PRICKLE1: variants seen among roughly 807,000 people sequenced by gnomAD.
The protein encoded by PRICKLE1 is prickle-like protein 1.
Under a neutral mutation model 70.2 loss-of-function variants are expected in PRICKLE1, and 14 were observed. The observed-to-expected ratio is 0.20, with a 90% confidence interval of 0.13 to 0.31. The LOEUF (loss-of-function observed/expected upper bound fraction) is 0.31. PRICKLE1 is among the 10% of genes least tolerant of loss of function. The probability of loss-of-function intolerance (pLI) is 1.00; values close to 1 mark genes in which losing one functional copy is unlikely to be tolerated. For synonymous variants in PRICKLE1, 357 were observed against 379.9 expected (o/e 0.94, Z 0.70); for missense variants, 821 against 1,026.2 (o/e 0.80, Z 2.73).
intron 1 of PRICKLE1, among the ~76,000 whole-genome samples, chr12:42,539,201 C>T (rs972587254): frequency 3.3e-5 from 5 of 152,114 alleles, no homozygotes; most frequent in African/African-American, 1.2e-4. Flanking sequence ...GGCACGGTGG[C>T]TCACGCCTGT....
At chr12:42,552,042 C>T (rs1231732504) in intron 1 of PRICKLE1, among the ~76,000 whole-genome samples, 2 of 150,528 alleles carry the variant, frequency 1.3e-5, no homozygotes, top group Admixed American at 1.3e-4. Context: ...ACAACCTGTA[C>T]ACATTCAAGA....
chr12:42,488,529 T>C (rs1338662754), intron 1 of PRICKLE1, among the ~76,000 whole-genome samples: 1 of 152,324 alleles, frequency 6.6e-6, no homozygotes. Context: ...TAAAAAACTT[T>C]AGGTTCTGAC....
intron 1 of PRICKLE1, among the ~76,000 whole-genome samples, chr12:42,502,288 T>C (rs1474798266): frequency 1.4e-5 from 2 of 144,946 alleles, no homozygotes; most frequent in Non-Finnish European, 3.0e-5. Context: ...TATATAGATA[T>C]ATATTTGTTT....
rs1938037090 is a variant in PRICKLE1 at position 42,465,037 on chromosome 12, T to C, written c.997A>G (p.Ser333Gly). ...QSARSRDSRR[S>G]VRMGKSSRSA... is the part of the protein sequence containing the mutation. ...CGGCTGCTCTTGCCCATTCGGACAC[T>C]TCTTCGGGAGTCTCTTGATCGAGCT... Residue 333 changes from serine (S) to glycine (G), a missense_variant, in exon 7 of 8, where the codon AGT becomes GGT. Transcript: ENST00000345127. 3 of 1,590,974 alleles carry C rather than the reference T, an allele frequency of 1.9e-6. No individual in the cohort carries two copies. In the African/African-American group the frequency reaches 4.0e-5, roughly 21 times the overall value.
chr12:42,568,425 T>G (rs1940656878), intron 1 of PRICKLE1, among the ~76,000 whole-genome samples: 1 of 152,200 alleles, frequency 6.6e-6, no homozygotes, highest in Non-Finnish European at 1.5e-5. Flanking sequence ...ACCCTCCCAC[T>G]TGGCTTCCCA....
chr12:42,515,563 C>T (rs143169340), intron 1 of PRICKLE1, among the ~76,000 whole-genome samples: 42 of 152,282 alleles, frequency 2.8e-4, no homozygotes, highest in Admixed American at 1.8e-3. Context: ...CTTCTACCCA[C>T]ACTCTATCCC....
chr12:42,585,869 G>A (rs1940978886), intron 1 of PRICKLE1, among the ~76,000 whole-genome samples: 1 of 152,162 alleles, frequency 6.6e-6, no homozygotes, highest in Non-Finnish European at 1.5e-5. Flanking sequence ...TGTGTCCAGA[G>A]ATGGGGAAGT....
In PRICKLE1 at chr12:42,464,425, T is replaced by C. The variant is rs1437950772; in HGVS notation, c.1609A>G (p.Met537Val). The C allele has an allele frequency of 1.9e-5, 30 of 1,613,990 alleles. No homozygotes were observed. The highest frequency in any genetic ancestry group is 2.5e-5 in the Non-Finnish European group (30 of 1,180,034). ...ATATTGGACAATGCCAAAGAATCCA[T>C]CGAATCCCGAACACTTTGCTCTGGT... The part of the protein sequence containing the change: ...LKPEQSVRDS[M>V]DSLALSNITG... The change falls in exon 7 of 8, where the codon ATG (methionine) becomes GTG (valine). Residue 537 changes from methionine (M) to valine (V), a missense_variant. Physicochemically the swap from Met to Val is conservative, Grantham distance 21. Coordinates refer to ENST00000345127, the MANE Select transcript of PRICKLE1 (RefSeq NM_153026.3). This position sits in a 1 kb window ranked among gnomAD's most constrained non-coding sequence, Gnocchi z 4.2.
intron 2 of PRICKLE1, among the ~76,000 whole-genome samples, chr12:42,471,352 A>C (rs1228295889): frequency 6.6e-6 from 1 of 152,070 alleles, no homozygotes; most frequent in Non-Finnish European, 1.5e-5. Flanking sequence ...GGAATAAAAG[A>C]AAAAAAAGAC....
intron 1 of PRICKLE1, among the ~76,000 whole-genome samples, chr12:42,512,814 C>G (rs191939960): frequency 2.0e-5 from 3 of 152,036 alleles, no homozygotes; most frequent in Admixed American, 6.6e-5. Context: ...TGTGCCACCA[C>G]GTTCGGCTGA....
chr12:42,547,916 G>A (rs1021944240), intron 1 of PRICKLE1, among the ~76,000 whole-genome samples: 11 of 152,096 alleles, frequency 7.2e-5, no homozygotes, highest in African/African-American at 2.4e-4. Flanking sequence ...GAGATATCAC[G>A]AACATGGAAC....
At chr12:42,585,044 T>C (rs563686211) in intron 1 of PRICKLE1, among the ~76,000 whole-genome samples, 218 of 152,158 alleles carry the variant, frequency 1.4e-3, no homozygotes, top group African/African-American at 5.0e-3. Context: ...TTTTTTTTTT[T>C]TTCTGAAGTG....
At chr12:42,467,147 C>T (rs1055744482) in intron 5 of PRICKLE1, among the ~76,000 whole-genome samples, 2 of 151,860 alleles carry the variant, frequency 1.3e-5, no homozygotes, top group East Asian at 1.9e-4. Flanking sequence ...GACAGAGTCT[C>T]GCTCTGTCAC....
intron 1 of PRICKLE1, among the ~76,000 whole-genome samples, chr12:42,538,684 G>A (rs1259526277): frequency 6.6e-6 from 1 of 151,922 alleles, no homozygotes; most frequent in Non-Finnish European, 1.5e-5. Flanking sequence ...TATCTTTTTT[G>A]TCTTCCTAAT....
intron 1 of PRICKLE1, among the ~76,000 whole-genome samples, chr12:42,547,016 T>A (rs1940227389): frequency 6.6e-6 from 1 of 152,224 alleles, no homozygotes. Flanking sequence ...AGTTTTTGCT[T>A]GTTTTGTTTT....
At chr12:42,473,907 A>T (rs1457880738) in intron 1 of PRICKLE1, among the ~76,000 whole-genome samples, 1 of 152,206 alleles carries the variant, frequency 6.6e-6, no homozygotes, top group African/African-American at 2.4e-5. Context: ...TCAGCCTGAG[A>T]CTAAGTCATT....
At chr12:42,571,185 T>A (rs1940705873) in intron 1 of PRICKLE1, among the ~76,000 whole-genome samples, 1 of 152,092 alleles carries the variant, frequency 6.6e-6, no homozygotes, top group Non-Finnish European at 1.5e-5. Flanking sequence ...CTATTTGAAC[T>A]GTGAAAGGAG....
intron 1 of PRICKLE1, among the ~76,000 whole-genome samples, chr12:42,497,355 C>T (rs964701094): frequency 5.9e-5 from 9 of 152,002 alleles, no homozygotes; most frequent in Non-Finnish European, 1.2e-4. Context: ...ATCATCCTGG[C>T]TAACACGGTG....
intron 1 of PRICKLE1, among the ~76,000 whole-genome samples, chr12:42,538,001 G>A (rs1354708434): frequency 6.6e-6 from 1 of 152,280 alleles, no homozygotes; most frequent in East Asian, 1.9e-4. Context: ...GTTGGGAGAA[G>A]TATTAAATCT....
Sources: gnomAD v4.1 joint callset for allele counts (sites outside exome capture counted in the v4.1 genomes callset) on GRCh38, gnomAD v4.1.1 for gene constraint, Gnocchi (gnomAD v3.1) non-coding constraint, MANE v1.5 for transcripts, NCBI Gene and HGNC (gene_info 2026-07-23, HGNC 2026-07-21) for gene names.